The following SNX29 variants were observed in gnomAD, a reference collection of about 807,000 sequenced individuals.
SNX29 encodes sorting nexin 29, also known as sorting nexin-29.
In SNX29, 78 loss-of-function variants were observed where a neutral mutation model predicts 102.1. The ratio of observed to expected loss-of-function variants is 0.76; its 90% CI spans 0.64 to 0.92. The LOEUF is 0.92. Among genes scored for constraint, SNX29 ranks in the 40% least tolerant of loss-of-function variants. SNX29 has a pLI of 0.00. For missense variants in SNX29, 1,280 were observed against 1,061.7 expected (o/e 1.21, Z -2.86); for synonymous variants, 580 against 414.5 (o/e 1.40, Z -4.85).
intron 11 of SNX29, among the ~76,000 whole-genome samples, chr16:12,107,782 A>G (rs2053327008): frequency 6.6e-6 from 1 of 152,172 alleles, no homozygotes; most frequent in African/African-American, 2.4e-5. Flanking sequence ...TTTCATTCTC[A>G]GACATCCTCC....
At chr16:12,456,660 G>A (rs1351654374) in intron 18 of SNX29, among the ~76,000 whole-genome samples, 4 of 152,152 alleles carry the variant, frequency 2.6e-5, no homozygotes, top group Non-Finnish European at 5.9e-5. Context: ...GAAGGGATAC[G>A]TGTGTGAGTA....
intron 14 of SNX29, among the ~76,000 whole-genome samples, chr16:12,206,814 G>GTTTTTTTTTTTTTT (rs71139583): frequency 8.2e-6 from 1 of 121,636 alleles, no homozygotes; most frequent in African/African-American, 2.9e-5. Flanking sequence ...GAATGAGGTG[G>GTTTTTTTTTTTTTT]TTTTTTTTTT....
chr16:12,472,698 C>T (rs562458997), intron 18 of SNX29, among the ~76,000 whole-genome samples: 6 of 152,204 alleles, frequency 3.9e-5, no homozygotes, highest in African/African-American at 1.4e-4. Context: ...TCCTTGAGAC[C>T]TTATCTCTAC....
At chr16:12,492,962 G>C (rs914063303) in intron 19 of SNX29, among the ~76,000 whole-genome samples, 26 of 152,198 alleles carry the variant, frequency 1.7e-4, no homozygotes, top group African/African-American at 6.0e-4. Flanking sequence ...AGTCAGGTAG[G>C]GTGATGCCTC....
Position 12,572,134 on chromosome 16 carries a change from ACTTT to A in SNX29, c.*3506_*3509del. On this transcript the variant is annotated 3_prime_UTR_variant, in exon 21 of 21. Coordinates refer to ENST00000566228, the MANE Select transcript of SNX29 (RefSeq NM_032167.5). Reference sequence around the variant, plus strand: ...ATCACAGCCCTTGGCCCTGCTTCATACTTTGGAGCTTATTAAGATCAATTTTGAT... The same window carrying A: ...ATCACAGCCCTTGGCCCTGCTTCATAGGAGCTTATTAAGATCAATTTTGAT... 1 of 1,011,686 alleles carries A rather than the reference ACTTT, an allele frequency of 9.9e-7. No individual in the cohort carries two copies. Among genetic ancestry groups the A allele is most frequent in the Non-Finnish European group, 1.2e-6 (1 of 830,984 alleles). 62.7% of individuals were successfully genotyped at this position (1,011,686 alleles called of 1,614,324 possible). A position where few individuals can be genotyped will look rare whatever the true frequency, so the allele number is the denominator to read the frequency against.
At chr16:12,047,220 A>G (rs2050124213) in intron 6 of SNX29, among the ~76,000 whole-genome samples, 1 of 152,194 alleles carries the variant, frequency 6.6e-6, no homozygotes, top group South Asian at 2.1e-4. Context: ...CAACATGGAG[A>G]GACCCTGGGT....
Position 12,570,278 on chromosome 16 carries a change from C to CA in SNX29, c.*1650dup, listed in dbSNP as rs2079159228. 3.8e-6 allele frequency: 4 copies of CA among 1,064,278 alleles called. No homozygotes were observed. The highest frequency in any genetic ancestry group is 9.1e-5 in the South Asian group (2 of 21,944). 65.9% of individuals were successfully genotyped at this position (1,064,278 alleles called of 1,614,324 possible). Reference sequence around the variant, plus strand: ...AGCATGTATGGAGGTGCGGACCCTGCAGTCAGTTTGCGAGTGTGGAGGACC... The same window carrying CA: ...AGCATGTATGGAGGTGCGGACCCTGCAAGTCAGTTTGCGAGTGTGGAGGACC... On this transcript the variant is annotated 3_prime_UTR_variant, in exon 21 of 21. Coordinates refer to ENST00000566228, the MANE Select transcript of SNX29 (RefSeq NM_032167.5).
At chr16:12,482,288 T>C (rs1162888363) in intron 19 of SNX29, among the ~76,000 whole-genome samples, 2 of 151,444 alleles carry the variant, frequency 1.3e-5, no homozygotes, top group Non-Finnish European at 3.0e-5. Flanking sequence ...TTTTCCTTTT[T>C]CCTTTTCCTT....
intron 16 of SNX29, among the ~76,000 whole-genome samples, chr16:12,391,059 C>T (rs898781727): frequency 2.0e-5 from 3 of 152,108 alleles, no homozygotes; most frequent in African/African-American, 7.2e-5. Context: ...AATCCTTCCA[C>T]TTCAGCCTTA....
intron 14 of SNX29, among the ~76,000 whole-genome samples, chr16:12,272,241 C>T (rs1034133332): frequency 2.0e-5 from 3 of 151,650 alleles, no homozygotes; most frequent in Non-Finnish European, 4.4e-5. Flanking sequence ...GCCTTGGGGA[C>T]GGGGCTAGTG....
intron 1 of SNX29, among the ~76,000 whole-genome samples, chr16:11,982,038 C>G (rs1297324159): frequency 2.1e-5 from 3 of 142,214 alleles, no homozygotes; most frequent in Non-Finnish European, 3.0e-5. Flanking sequence ...GATCTCATCT[C>G]AATTAAAAAA....
chr16:12,426,015 T>C (rs1353817833), intron 18 of SNX29, among the ~76,000 whole-genome samples: 1 of 151,996 alleles, frequency 6.6e-6, no homozygotes, highest in Non-Finnish European at 1.5e-5. Flanking sequence ...AGAGACCTTT[T>C]AAAATTATTT....
At chr16:12,524,678 C>G (rs777512373) in intron 19 of SNX29, 24 bp from the exon 20 acceptor site, 2 of 1,610,262 alleles carry the variant, frequency 1.2e-6, no homozygotes, top group African/African-American at 1.3e-5. Flanking sequence ...CGTACCAAAG[C>G]GAAGATGTTT....
At chr16:12,094,468 G>A (rs2052687981) in intron 11 of SNX29, among the ~76,000 whole-genome samples, 1 of 152,128 alleles carries the variant, frequency 6.6e-6, no homozygotes, top group Non-Finnish European at 1.5e-5. Flanking sequence ...CTCCTGCAGA[G>A]GCCCTGAAGT....
intron 13 of SNX29, among the ~76,000 whole-genome samples, chr16:12,188,178 C>G (rs1017384107): frequency 2.0e-5 from 3 of 152,156 alleles, no homozygotes; most frequent in African/African-American, 7.2e-5. Flanking sequence ...TTACTAACCG[C>G]TAACATTTAT....
intron 20 of SNX29, among the ~76,000 whole-genome samples, chr16:12,529,324 C>G (rs574070691): frequency 1.3e-5 from 2 of 152,272 alleles, no homozygotes; most frequent in Admixed American, 1.3e-4. Flanking sequence ...TGTTCGTCGT[C>G]TGACATTTGG....
rs546839582 is a variant in SNX29 at position 12,435,744 on chromosome 16, A to C, written c.2037+32215A>C. Among the ~76,000 whole-genome samples the C allele has an allele frequency of 4.6e-5, 7 of 152,284 alleles. 1 individual carries two copies. In the South Asian group the frequency reaches 1.5e-3, roughly 32 times the overall value. ...AGAAGGCCCCAGCTGGAATGTTGTT[A>C]CCCATGATCCTGGGTCTCCTTGCAG... On this transcript the variant is annotated intron_variant, in intron 18 of 20. Transcript: ENST00000566228.
intron 16 of SNX29, among the ~76,000 whole-genome samples, chr16:12,384,354 C>T (rs1196082418): frequency 6.6e-6 from 1 of 152,200 alleles, no homozygotes; most frequent in Non-Finnish European, 1.5e-5. Context: ...ACAAGGCTTC[C>T]CTTTTCTCCA....
At chr16:12,563,318 G>C (rs1019641293) in intron 20 of SNX29, among the ~76,000 whole-genome samples, 2 of 149,008 alleles carry the variant, frequency 1.3e-5, no homozygotes, top group African/African-American at 5.2e-5. Context: ...TGTGACTGGA[G>C]AGAGTCACCG....
Sources: gnomAD v4.1 joint callset for allele counts (sites outside exome capture counted in the v4.1 genomes callset) on GRCh38, gnomAD v4.1.1 for gene constraint, MANE v1.5 for transcripts, NCBI Gene and HGNC (gene_info 2026-07-23, HGNC 2026-07-21) for gene names.